ST6GALNAC2: variants seen among roughly 807,000 people sequenced by gnomAD.
The protein encoded by ST6GALNAC2 is ST6 N-acetylgalactosaminide alpha-2,6-sialyltransferase 2, also known as alpha-N-acetylgalactosaminide alpha-2,6-sialyltransferase 2.
In ST6GALNAC2, 42 loss-of-function variants were observed where a neutral mutation model predicts 38.7. The ratio of observed to expected loss-of-function variants is 1.09; its 90% CI spans 0.85 to 1.40. ST6GALNAC2 has a LOEUF of 1.40. ST6GALNAC2 is among the 40% of genes most tolerant of loss of function. The pLI, the probability that ST6GALNAC2 is intolerant of heterozygous loss-of-function variation, is 0.00. For synonymous variants in ST6GALNAC2, 233 were observed against 209.0 expected (o/e 1.11, Z -0.99); for missense variants, 506 against 481.7 (o/e 1.05, Z -0.47).
At chr17:76,582,144 C>T (rs151273080) in intron 1 of ST6GALNAC2, among the ~76,000 whole-genome samples, 2,728 of 145,470 alleles carry the variant, frequency 0.019, 89 homozygotes, top group African/African-American at 0.065. Flanking sequence ...GGGTTACAAG[C>T]GTGAGCCACC....
At chr17:76,582,164 C>CTTTT (rs71158025) in intron 1 of ST6GALNAC2, among the ~76,000 whole-genome samples, 4 of 62,046 alleles carry the variant, frequency 6.4e-5, no homozygotes, top group Non-Finnish European at 8.8e-5. Flanking sequence ...CGTGCCCAGC[C>CTTTT]TTTTTTTTTT....
chr17:76,579,148 A>G (rs977290140), intron 1 of ST6GALNAC2, among the ~76,000 whole-genome samples: 4 of 152,182 alleles, frequency 2.6e-5, no homozygotes, highest in Admixed American at 6.5e-5. Context: ...CGAACTCCCG[A>G]CTTCAGGTGA....
chr17:76,574,489 G>A lies in ST6GALNAC2; in HGVS notation c.237C>T (p.His79=). ...LLHLAIQRHP[H]FRGLFNLSIP... ...TGGAGAGATTGAACAGGCCACGGAA[G>A]TGGGGGTGCCGCTGAATGGCCAGGT... Residue 79 remains histidine, a synonymous_variant, in exon 3 of 9, where the codon CAC becomes CAT. Transcript: ENST00000225276. The A allele has an allele frequency of 1.9e-6, 3 of 1,613,812 alleles. No individual in the cohort carries two copies. The highest frequency in any genetic ancestry group is 2.5e-6 in the Non-Finnish European group (3 of 1,179,956).
rs539041537 is a variant in ST6GALNAC2 at position 76,568,335 on chromosome 17, G to T, written c.857+378C>A. On this transcript the variant is annotated intron_variant, in intron 7 of 8. Coordinates refer to ENST00000225276, the MANE Select transcript of ST6GALNAC2 (RefSeq NM_006456.3). Reference sequence around the variant, plus strand: ...GGAGGGAGGGAAGGGGGTTGAGGCTGGTCCCCGGGTTCCTTCCGGCACCTT... The same window carrying T: ...GGAGGGAGGGAAGGGGGTTGAGGCTTGTCCCCGGGTTCCTTCCGGCACCTT... 14 of 253,618 alleles carry T rather than the reference G, an allele frequency of 5.5e-5. No homozygotes were observed. In the East Asian group the frequency reaches 1.2e-3, roughly 22 times the overall value. The allele number at this position is 253,618 out of a possible 1,614,324, so 15.7% of individuals were successfully genotyped here. A position where few individuals can be genotyped will look rare whatever the true frequency, so the allele number is the denominator to read the frequency against.
chr17:76,582,352 TG>T (rs2075488759), intron 1 of ST6GALNAC2, among the ~76,000 whole-genome samples: 10 of 139,472 alleles, frequency 7.2e-5, no homozygotes, highest in East Asian at 2.1e-4. Context: ...TTTTTTTTTT[TG>T]GTATTTTTAG....
intron 7 of ST6GALNAC2, 77 bp downstream of exon 7, chr17:76,568,636 G>T: frequency 1.4e-6 from 2 of 1,431,452 alleles, no homozygotes; most frequent in Non-Finnish European, 2.0e-6. Flanking sequence ...CTCGTGCGAG[G>T]GCGCTGACTG....
In ST6GALNAC2 at chr17:76,583,440, A is replaced by C. The variant is rs572015431; in HGVS notation, c.125+2244T>G. On this transcript the variant is annotated intron_variant, in intron 1 of 8. Transcript: ENST00000225276. ...GGTGGGAGAATCATTTTAGCTCAGG[A>C]GGTGGAGGTTACAGTGAGCCAAGAT... 4.0e-5 allele frequency among the ~76,000 whole-genome samples: 6 copies of C among 149,404 alleles called. No individual in the cohort carries two copies. The South Asian group carries it at 6.4e-4, about 16-fold the overall frequency.
At chr17:76,570,840 C>T (rs2143295796) in intron 5 of ST6GALNAC2, 172 bp from the exon 6 acceptor site, 1 of 594,766 alleles carries the variant, frequency 1.7e-6, no homozygotes, top group Non-Finnish European at 3.0e-6. Context: ...TCCACAAATC[C>T]TCTAATGCTC....
At position 76,570,647 on chromosome 17, in the gene ST6GALNAC2, G is replaced by A. The variant is rs1160191206; in HGVS notation, c.691C>T (p.Pro231Ser). ...ATCACATAGTCGCGGATGTCTGAGG[G>A]GATGAAGATATACTGCAGGTCCTGT... is the stretch of plus-strand genomic sequence containing the variant. ...QGQDLQYIFIPSDIRDYVMLR... is the reference protein window; with the variant it reads ...QGQDLQYIFISSDIRDYVMLR... Residue 231 changes from proline (P) to serine (S), a missense_variant, in exon 6 of 9, where the codon CCC becomes TCC. Coordinates refer to ENST00000225276, the MANE Select transcript of ST6GALNAC2 (RefSeq NM_006456.3). The A allele has an allele frequency of 6.2e-7, 1 of 1,612,424 alleles. No homozygotes were observed. Among genetic ancestry groups the A allele is most frequent in the Non-Finnish European group, 8.5e-7 (1 of 1,179,470 alleles).
At chr17:76,577,011 T>G (rs1240490625) in intron 2 of ST6GALNAC2, among the ~76,000 whole-genome samples, 2 of 151,316 alleles carry the variant, frequency 1.3e-5, no homozygotes, top group Non-Finnish European at 2.9e-5. Flanking sequence ...ATGCTCAGAT[T>G]GTTTCCTAAT....
At chr17:76,567,839 A>T in intron 7 of ST6GALNAC2, 1 of 352,592 alleles carries the variant, frequency 2.8e-6, no homozygotes, top group Non-Finnish European at 5.4e-6. Flanking sequence ...TGGCCTGTTT[A>T]TTTAGCCTGA....
intron 5 of ST6GALNAC2, 22 bp from the exon 6 acceptor site, chr17:76,570,690 GC>G: frequency 6.4e-7 from 1 of 1,573,182 alleles, no homozygotes. Context: ...GAGACAATGA[GC>G]CCAGAGGGGA....
chr17:76,568,801 GACCC>G lies in ST6GALNAC2; in HGVS notation c.774-9_774-6del, dbSNP rs776055981. ...GGTCCAAAATAGGCGTGCGGCCTAG[GACCC>G]ATGATAGAAGTGGACAGAGCGCCCA... On this transcript the variant is annotated splice_polypyrimidine_tract_variant and splice_region_variant and intron_variant, in intron 6 of 8. Coordinates refer to ENST00000225276, the MANE Select transcript of ST6GALNAC2 (RefSeq NM_006456.3). 4.9e-5 allele frequency: 79 copies of G among 1,612,946 alleles called. No homozygotes were observed. Among genetic ancestry groups the G allele is most frequent in the Admixed American group, 6.7e-5 (4 of 59,952 alleles).
At chr17:76,581,683 C>A (rs1004429966) in intron 1 of ST6GALNAC2, among the ~76,000 whole-genome samples, 1 of 152,108 alleles carries the variant, frequency 6.6e-6, no homozygotes, top group Admixed American at 6.6e-5. Context: ...TCCTACTGAT[C>A]CTTCCAGCCC....
chr17:76,585,478 C>T (rs894293523), intron 1 of ST6GALNAC2, among the ~76,000 whole-genome samples: 3 of 152,176 alleles, frequency 2.0e-5, no homozygotes, highest in African/African-American at 7.2e-5. Flanking sequence ...GCAAAGGCCG[C>T]GGGGTCCGGG....
At chr17:76,580,310 T>G (rs558295450) in intron 1 of ST6GALNAC2, among the ~76,000 whole-genome samples, 6 of 151,662 alleles carry the variant, frequency 4.0e-5, no homozygotes, top group South Asian at 2.1e-4. Flanking sequence ...CCCAGCTACT[T>G]GGGAAGCTGA....
intron 2 of ST6GALNAC2, 41 bp from the exon 3 acceptor site, chr17:76,574,580 GGC>G: frequency 6.6e-7 from 1 of 1,511,576 alleles, no homozygotes; most frequent in South Asian, 1.2e-5. Flanking sequence ...GTTAGGTAGG[GGC>G]TGGGGTGGGT....
intron 3 of ST6GALNAC2, among the ~76,000 whole-genome samples, chr17:76,574,046 C>T (rs183809831): frequency 6.6e-6 from 1 of 152,254 alleles, no homozygotes; most frequent in East Asian, 1.9e-4. Flanking sequence ...CAGCAGCAAC[C>T]GTGAGTGAGG....
Position 76,566,105 on chromosome 17 carries a change from C to T in ST6GALNAC2, c.1124G>A (p.Ter375=). ...KAGILQLYQR[*] The stretch of plus-strand genomic sequence containing the variant: ...AGCAAAGGGCTCAGTGCATTGGGGT[C>T]AGCGCTGGTACAGCTGAAGGATGCC... Residue 375 remains the stop codon, a stop_retained_variant, in exon 9 of 9, where the codon TGA becomes TAA. Coordinates refer to ENST00000225276, the MANE Select transcript of ST6GALNAC2 (RefSeq NM_006456.3). 6.2e-7 allele frequency: 1 copy of T among 1,613,542 alleles called. No homozygotes were observed. The highest frequency in any genetic ancestry group is 1.1e-5 in the South Asian group (1 of 91,018).
Sources: allele counts gnomAD v4.1 joint callset (sites outside exome capture counted in the v4.1 genomes callset), GRCh38; gene constraint gnomAD v4.1.1; transcripts MANE v1.5; gene names NCBI Gene and HGNC (gene_info 2026-07-23, HGNC 2026-07-21).